The following SLC28A3 variants were observed in gnomAD, a reference collection of about 807,000 sequenced individuals.
SLC28A3 encodes the protein concentrative Na(+)-nucleoside cotransporter 3.
SLC28A3 carries 68 observed loss-of-function variants against 84.2 expected under a neutral mutation model. The observed-to-expected ratio is 0.81, with a 90% CI of 0.66 to 0.99. SLC28A3 has a LOEUF of 0.99. Ranked by LOEUF, SLC28A3 falls within the 50% of genes least tolerant of loss-of-function variation. The pLI, the probability that SLC28A3 is intolerant of heterozygous loss-of-function variation, is 0.00. For missense variants in SLC28A3, 712 were observed against 841.5 expected (o/e 0.85, Z 1.90); for synonymous variants, 267 against 303.6 (o/e 0.88, Z 1.25).
intron 1 of SLC28A3, among the ~76,000 whole-genome samples, chr9:84,324,887 C>T (rs1443005521): frequency 1.3e-5 from 2 of 152,134 alleles, no homozygotes; most frequent in African/African-American, 4.8e-5. Context: ...TGACCCTCTC[C>T]CATGGTATAA....
intron 17 of SLC28A3, among the ~76,000 whole-genome samples, chr9:84,278,953 G>A (rs908724964): frequency 6.7e-6 from 1 of 149,680 alleles, no homozygotes; most frequent in Non-Finnish European, 1.5e-5. Context: ...CATACAAAGT[G>A]CGTAACACAC....
At chr9:84,350,208 A>C in the SLC28A3 span, among the ~76,000 whole-genome samples, 3 of 152,208 alleles carry the variant, frequency 2.0e-5, no homozygotes, top group Non-Finnish European at 2.9e-5. Context: ...TTGGGAGGCC[A>C]AGGCAGGTGG....
At chr9:84,317,535 G>A (rs533600873) in intron 1 of SLC28A3, among the ~76,000 whole-genome samples, 1 of 152,252 alleles carries the variant, frequency 6.6e-6, no homozygotes, top group African/African-American at 2.4e-5. Context: ...GCCTCTCCCT[G>A]GCACTGTGCT....
At chr9:84,343,098 G>T (rs112618283), upstream of SLC28A3, among the ~76,000 whole-genome samples, 518 of 152,136 alleles carry the variant, frequency 3.4e-3, no homozygotes, top group African/African-American at 0.012. Context: ...AGGAGGTGGA[G>T]GTTGTGGTGA....
At chr9:84,342,127 C>CAACA (rs775361776), upstream of SLC28A3, among the ~76,000 whole-genome samples, 1 of 68,770 alleles carries the variant, frequency 1.5e-5, no homozygotes, top group Non-Finnish European at 2.9e-5. Context: ...GACCCTGTCT[C>CAACA]AAAAAAAAAA....
the SLC28A3 span, among the ~76,000 whole-genome samples, chr9:84,349,116 G>T: frequency 6.6e-6 from 1 of 152,198 alleles, no homozygotes; most frequent in Admixed American, 6.5e-5. Context: ...TCAGCAAAGG[G>T]TGGTGGGATT....
At chr9:84,316,325 T>C (rs1826168200) in intron 1 of SLC28A3, among the ~76,000 whole-genome samples, 1 of 152,242 alleles carries the variant, frequency 6.6e-6, no homozygotes, top group South Asian at 2.1e-4. Context: ...GGAAAAAGAT[T>C]ACATATCCAA....
the SLC28A3 span, among the ~76,000 whole-genome samples, chr9:84,346,841 A>G: frequency 6.6e-6 from 1 of 152,142 alleles, no homozygotes; most frequent in African/African-American, 2.4e-5. Context: ...ACCTGTCTGC[A>G]ATTAAAGGAT....
Position 84,317,258 on chromosome 9 carries a change from C to T in SLC28A3, c.61-3804G>A, listed in dbSNP as rs11140516. 0.034 allele frequency among the ~76,000 whole-genome samples: 5,203 copies of T among 152,120 alleles called. 475 individuals are homozygous for T. In the East Asian group the frequency reaches 0.34, roughly 10 times the overall value. On this transcript the variant is annotated intron_variant, in intron 1 of 17. Transcript: ENST00000376238. Reference sequence around the variant, plus strand: ...AGTAGTGTGCCTAGGAATTAAATTCCGTTTGGAAATTAGAACTTAGAAAGC... The same window carrying T: ...AGTAGTGTGCCTAGGAATTAAATTCTGTTTGGAAATTAGAACTTAGAAAGC...
At chr9:84,333,317 C>A (rs1049276948) in intron 1 of SLC28A3, among the ~76,000 whole-genome samples, 1 of 152,088 alleles carries the variant, frequency 6.6e-6, no homozygotes, top group African/African-American at 2.4e-5. Flanking sequence ...GTGGGCAAAA[C>A]ATGGGGGAAG....
rs542204111 is a variant in SLC28A3 at position 84,316,306 on chromosome 9, G to C, written c.61-2852C>G. Among the ~76,000 whole-genome samples the C allele has an allele frequency of 8.1e-4, 124 of 152,286 alleles. 1 individual carries two copies. Among genetic ancestry groups the C allele is most frequent in the Non-Finnish European group, 7.3e-5 (5 of 68,028 alleles). On this transcript the variant is annotated intron_variant, in intron 1 of 17. Transcript: ENST00000376238. ...TTTCAAAGAATGTTAGCTGACACAT[G>C]GTCACCTAGGAAAAAGATTACATAT...
chr9:84,287,310 ATGTTGGT>A (rs1825031126), intron 12 of SLC28A3, among the ~76,000 whole-genome samples: 1 of 152,158 alleles, frequency 6.6e-6, no homozygotes, highest in South Asian at 2.1e-4. Context: ...TTTCAGACAC[ATGTTGGT>A]TGCTGATGAA....
chr9:84,367,410 A>T, the SLC28A3 span, among the ~76,000 whole-genome samples: 1 of 152,202 alleles, frequency 6.6e-6, no homozygotes, highest in African/African-American at 2.4e-5. Context: ...ATCTGAAGCT[A>T]GCAAGTTTCA....
At chr9:84,339,185 T>C (rs1258756423) in intron 1 of SLC28A3, among the ~76,000 whole-genome samples, 1 of 152,198 alleles carries the variant, frequency 6.6e-6, no homozygotes, top group Non-Finnish European at 1.5e-5. Context: ...GTATATAAGC[T>C]CCTGAGTCTA....
chr9:84,280,652 C>T (rs1824712570), intron 15 of SLC28A3, 149 bp downstream of exon 15: 3 of 739,634 alleles, frequency 4.1e-6, no homozygotes, highest in African/African-American at 1.8e-5. Flanking sequence ...AACTATATTG[C>T]AGACTAGAGA....
chr9:84,280,375 A>T (rs1739853778), intron 15 of SLC28A3, among the ~76,000 whole-genome samples: 2 of 152,168 alleles, frequency 1.3e-5, no homozygotes, highest in African/African-American at 4.8e-5. Context: ...TGGCAAGGCA[A>T]AAGAGTGGCA....
At position 84,288,383 on chromosome 9, in the gene SLC28A3, G is replaced by T. The variant is rs143251486; in HGVS notation, c.1150-205C>A. 2.6e-4 allele frequency among the ~76,000 whole-genome samples: 40 copies of T among 152,244 alleles called. No individual in the cohort carries two copies. The East Asian group carries it at 7.3e-3, about 28-fold the overall frequency. On this transcript the variant is annotated intron_variant, in intron 11 of 17. Coordinates refer to ENST00000376238, the MANE Select transcript of SLC28A3 (RefSeq NM_001199633.2). ...CACCTTGAGAGGCTGAGGGATAAGG[G>T]AGACATTTGTGCTAATTGACCACAT...
At chr9:84,334,392 G>A (rs1324696270) in intron 1 of SLC28A3, among the ~76,000 whole-genome samples, 4 of 152,192 alleles carry the variant, frequency 2.6e-5, no homozygotes, top group South Asian at 4.1e-4. Context: ...ACTGCTTGGG[G>A]ATTCATAATT....
intron 1 of SLC28A3, among the ~76,000 whole-genome samples, chr9:84,323,656 C>G (rs752381163): frequency 5.3e-5 from 8 of 152,042 alleles, no homozygotes; most frequent in Admixed American, 3.3e-4. Context: ...AATTCCTAAC[C>G]TCGTGATCCG....
Sources: allele counts gnomAD v4.1 joint callset (sites outside exome capture counted in the v4.1 genomes callset), GRCh38; gene constraint gnomAD v4.1.1; transcripts MANE v1.5; gene names NCBI Gene and HGNC (gene_info 2026-07-23, HGNC 2026-07-21).